LMBR1: variants seen among roughly 807,000 people sequenced by gnomAD.
LMBR1 encodes the protein limb region 1 protein homolog.
LMBR1 carries 52 observed loss-of-function variants against 73.9 expected under a neutral mutation model. The observed-to-expected ratio is 0.70, with a 90% CI of 0.56 to 0.89. The LOEUF (loss-of-function observed/expected upper bound fraction) is 0.89, where lower values mean the gene tolerates loss of function less well. LMBR1 is among the 40% of genes least tolerant of loss of function. LMBR1 has a pLI of 0.00. For synonymous variants in LMBR1, 215 were observed against 209.4 expected (o/e 1.03, Z -0.23); for missense variants, 539 against 579.8 (o/e 0.93, Z 0.72).
chr7:156,871,909 T>C (rs1799348441), intron 1 of LMBR1, among the ~76,000 whole-genome samples: 1 of 152,342 alleles, frequency 6.6e-6, no homozygotes, highest in Middle Eastern at 3.4e-3. Flanking sequence ...TACTTACTTT[T>C]ATTCAACATA....
At chr7:156,753,970 CTCT>C (rs762435698) in intron 9 of LMBR1, among the ~76,000 whole-genome samples, 1 of 152,096 alleles carries the variant, frequency 6.6e-6, no homozygotes, top group African/African-American at 2.4e-5. Context: ...GTCCTTTTTT[CTCT>C]TCTTCTTCAG....
At chr7:156,795,620 C>T (rs1829941913) in intron 5 of LMBR1, among the ~76,000 whole-genome samples, 1 of 152,124 alleles carries the variant, frequency 6.6e-6, no homozygotes, top group South Asian at 2.1e-4. Flanking sequence ...GACGCAATCA[C>T]AGCTCACACC....
chr7:156,835,383 G>C (rs1441006493), intron 2 of LMBR1, among the ~76,000 whole-genome samples: 1 of 151,922 alleles, frequency 6.6e-6, no homozygotes. Context: ...ATATACTGTT[G>C]TGCTCACATC....
chr7:156,722,854 A>C (rs1042371466), intron 15 of LMBR1, among the ~76,000 whole-genome samples: 1 of 152,116 alleles, frequency 6.6e-6, no homozygotes, highest in African/African-American at 2.4e-5. Flanking sequence ...TAAAATCGGT[A>C]TATATTAATG....
At chr7:156,749,664 A>T (rs1000637295) in intron 9 of LMBR1, among the ~76,000 whole-genome samples, 1 of 152,162 alleles carries the variant, frequency 6.6e-6, no homozygotes, top group African/African-American at 2.4e-5. Context: ...TTAAGAATAA[A>T]TAATTAATAC....
chr7:156,890,533 GA>G (rs1405968054), intron 1 of LMBR1, among the ~76,000 whole-genome samples: 1 of 152,068 alleles, frequency 6.6e-6, no homozygotes, highest in African/African-American at 2.4e-5. Flanking sequence ...TTTAAATGGG[GA>G]AAAAAATTTG....
chr7:156,864,548 G>C (rs922877798), intron 1 of LMBR1, among the ~76,000 whole-genome samples: 1 of 152,126 alleles, frequency 6.6e-6, no homozygotes, highest in Non-Finnish European at 1.5e-5. Context: ...GCAATGAAAA[G>C]AGGTTTTTAT....
intron 15 of LMBR1, among the ~76,000 whole-genome samples, chr7:156,702,617 C>T (rs1206556119): frequency 1.3e-5 from 2 of 152,258 alleles, no homozygotes; most frequent in African/African-American, 2.4e-5. Context: ...ATTTAGAAGA[C>T]ACTTTGACAG....
intron 1 of LMBR1, among the ~76,000 whole-genome samples, chr7:156,840,250 C>T (rs1838416075): frequency 6.6e-6 from 1 of 151,932 alleles, no homozygotes; most frequent in Admixed American, 6.5e-5. Context: ...GAGAAAAAGA[C>T]AATAAATAAA....
At chr7:156,729,765 G>C (rs745810243) in intron 10 of LMBR1, among the ~76,000 whole-genome samples, 1 of 152,138 alleles carries the variant, frequency 6.6e-6, no homozygotes, top group African/African-American at 2.4e-5. Context: ...GAGCCACTGC[G>C]CCCAGCCCCC....
intron 4 of LMBR1, among the ~76,000 whole-genome samples, chr7:156,811,706 G>A (rs1287034691): frequency 6.6e-6 from 1 of 152,196 alleles, no homozygotes; most frequent in East Asian, 1.9e-4. Flanking sequence ...CCCCATGCCT[G>A]AATCCCCAGC....
rs542286773 is a variant in LMBR1, at chr7:156,808,160, T to G, written c.320-11668A>C. 2.6e-5 allele frequency among the ~76,000 whole-genome samples: 4 copies of G among 152,300 alleles called. No individual in the cohort carries two copies. The South Asian group carries it at 8.3e-4, about 32-fold the overall frequency. On this transcript the variant is annotated intron_variant, in intron 4 of 16. Coordinates refer to ENST00000353442, the MANE Select transcript of LMBR1 (RefSeq NM_022458.4). ...AGTATTATTCAAATCTTCTATATCG[T>G]GATTTTTTCTTCTATATGTTCTATC...
chr7:156,751,275 G>A (rs747946365), intron 9 of LMBR1, among the ~76,000 whole-genome samples: 6 of 152,088 alleles, frequency 3.9e-5, no homozygotes, highest in Admixed American at 6.6e-5. Flanking sequence ...TGATACAATC[G>A]ATATCCACAA....
rs1013437985 is a variant in LMBR1 at position 156,682,785 on chromosome 7, C to T, written c.*1293G>A. On this transcript the variant is annotated 3_prime_UTR_variant, in exon 17 of 17. Coordinates refer to ENST00000353442, the MANE Select transcript of LMBR1 (RefSeq NM_022458.4). Reference sequence around the variant, plus strand: ...TTTGAAAAAAATGTTTTACTTTTGTCTGAACACAGACCATCTATTTTCATA... The same window carrying T: ...TTTGAAAAAAATGTTTTACTTTTGTTTGAACACAGACCATCTATTTTCATA... 2.0e-5 allele frequency: 3 copies of T among 152,150 alleles called. No homozygotes were observed. Among genetic ancestry groups the T allele is most frequent in the African/African-American group, 7.2e-5 (3 of 41,426 alleles). The allele number at this position is 152,150 out of a possible 1,614,324, so 9.4% of individuals were successfully genotyped here.
chr7:156,768,025 T>C (rs1311413057), intron 5 of LMBR1, among the ~76,000 whole-genome samples: 3 of 152,230 alleles, frequency 2.0e-5, no homozygotes, highest in Non-Finnish European at 4.4e-5. Flanking sequence ...TTATGTTCTA[T>C]TTCTTTAGAT....
At chr7:156,804,341 AAT>A (rs147719866) in intron 4 of LMBR1, among the ~76,000 whole-genome samples, 4,839 of 152,286 alleles carry the variant, frequency 0.032, 122 homozygotes, top group South Asian at 0.085. Context: ...TTAAAAATAA[AAT>A]AGTCATAAAT....
chr7:156,803,651 C>T (rs1427058555), intron 4 of LMBR1, among the ~76,000 whole-genome samples: 2 of 151,916 alleles, frequency 1.3e-5, no homozygotes, highest in South Asian at 2.1e-4. Flanking sequence ...AGGTATATAC[C>T]CAAAGGATTA....
chr7:156,818,855 T>A (rs1301125744), intron 4 of LMBR1, among the ~76,000 whole-genome samples: 6 of 152,224 alleles, frequency 3.9e-5, no homozygotes, highest in Admixed American at 3.9e-4. Flanking sequence ...TTTAACCCTT[T>A]TTCCTATTTT....
rs1195944134 is a variant in LMBR1, at chr7:156,681,160, C to G, written c.*2918G>C. ...TACCAACAAAACTAGCACATAAGAGCCTGTAAATGATGAAAACCTGTGTCC... is the reference window on the plus strand; with the variant it reads ...TACCAACAAAACTAGCACATAAGAGGCTGTAAATGATGAAAACCTGTGTCC... On this transcript the variant is annotated 3_prime_UTR_variant, in exon 17 of 17. Transcript: ENST00000353442. 4.4e-6 allele frequency: 2 copies of G among 453,144 alleles called. No individual in the cohort carries two copies. Among genetic ancestry groups the G allele is most frequent in the Non-Finnish European group, 8.9e-6 (2 of 225,766 alleles). The allele number at this position is 453,144 out of a possible 1,614,324, so 28.1% of individuals were successfully genotyped here.
Sources: allele counts gnomAD v4.1 joint callset (sites outside exome capture counted in the v4.1 genomes callset), GRCh38; gene constraint gnomAD v4.1.1; transcripts MANE v1.5; gene names NCBI Gene and HGNC (gene_info 2026-07-23, HGNC 2026-07-21).